The following UNC13C variants were observed in gnomAD, a reference collection of about 807,000 sequenced individuals.
The protein encoded by UNC13C is protein unc-13 homolog C.
A neutral mutation model predicts 245.4 loss-of-function variants in UNC13C; 174 were observed. The ratio of observed to expected loss-of-function variants is 0.71; its 90% CI spans 0.63 to 0.80. The LOEUF is 0.80. Among genes scored for constraint, UNC13C ranks in the 30% least tolerant of loss-of-function variants. UNC13C has a pLI of 0.00. For missense variants in UNC13C, 2,829 were observed against 2,602.9 expected (o/e 1.09, Z -1.89); for synonymous variants, 992 against 895.1 (o/e 1.11, Z -1.93).
intron 30 of UNC13C, among the ~76,000 whole-genome samples, chr15:54,600,114 T>C (rs1431867980): frequency 1.3e-5 from 2 of 152,084 alleles, no homozygotes; most frequent in Non-Finnish European, 2.9e-5. Flanking sequence ...CCATTCCTAC[T>C]CTCCAGAGTA....
At chr15:54,604,751 A>G (rs917381047) in intron 30 of UNC13C, among the ~76,000 whole-genome samples, 1 of 152,132 alleles carries the variant, frequency 6.6e-6, no homozygotes, top group Non-Finnish European at 1.5e-5. Context: ...AGTGTTCTGG[A>G]GGACTCTGAG....
At chr15:54,161,365 T>G (rs28561554) in intron 4 of UNC13C, among the ~76,000 whole-genome samples, 43,986 of 151,988 alleles carry the variant, frequency 0.29, 6,590 homozygotes, top group African/African-American at 0.36. Context: ...ATAAAGCCAT[T>G]TCTTTCTGCC....
chr15:54,529,552 G>T (rs925781170), intron 25 of UNC13C, among the ~76,000 whole-genome samples: 1 of 152,106 alleles, frequency 6.6e-6, no homozygotes, highest in African/African-American at 2.4e-5. Flanking sequence ...AACAGTGATT[G>T]GCACATAATA....
chr15:54,019,508 T>TAAATAAATAA (rs1895803494), intron 2 of UNC13C, among the ~76,000 whole-genome samples: 1 of 152,232 alleles, frequency 6.6e-6, no homozygotes, highest in Non-Finnish European at 1.5e-5. Context: ...AATACTGTAC[T>TAAATAAATAA]ATAACAGCTG....
At chr15:54,289,894 G>T (rs1596153412) in intron 10 of UNC13C, among the ~76,000 whole-genome samples, 1 of 152,122 alleles carries the variant, frequency 6.6e-6, no homozygotes, top group African/African-American at 2.4e-5. Flanking sequence ...TAAATACCTG[G>T]AACATAGCTA....
At chr15:54,160,539 T>C (rs1001658804) in intron 4 of UNC13C, among the ~76,000 whole-genome samples, 1 of 151,956 alleles carries the variant, frequency 6.6e-6, no homozygotes, top group Admixed American at 6.6e-5. Flanking sequence ...TCACTTAAAC[T>C]CTTTTTTGAT....
At chr15:54,559,119 C>A (rs1897200011) in intron 29 of UNC13C, among the ~76,000 whole-genome samples, 1 of 151,996 alleles carries the variant, frequency 6.6e-6, no homozygotes, top group African/African-American at 2.4e-5. Flanking sequence ...TGAGGTTTCT[C>A]CAAAAACAAT....
At chr15:54,470,510 G>T (rs1052810068) in intron 19 of UNC13C, among the ~76,000 whole-genome samples, 1 of 151,340 alleles carries the variant, frequency 6.6e-6, no homozygotes, top group African/African-American at 2.4e-5. Flanking sequence ...ATTTCTTTCA[G>T]GTTGTCTAAT....
the UNC13C span, among the ~76,000 whole-genome samples, chr15:53,870,549 CT>C: frequency 1.3e-5 from 2 of 151,964 alleles, no homozygotes; most frequent in Admixed American, 6.6e-5. Context: ...CTTCCTACCA[CT>C]GCTTGTACCT....
chr15:53,893,427 GT>G, the UNC13C span, among the ~76,000 whole-genome samples: 2 of 152,212 alleles, frequency 1.3e-5, no homozygotes, highest in African/African-American at 4.8e-5. Flanking sequence ...AGGCAGGAAT[GT>G]TTAAATCTGC....
chr15:53,872,374 G>A, the UNC13C span, among the ~76,000 whole-genome samples: 135 of 151,988 alleles, frequency 8.9e-4, no homozygotes, highest in African/African-American at 3.0e-3. Flanking sequence ...CAGGTAAGGG[G>A]TTGGAGAAAT....
intron 20 of UNC13C, among the ~76,000 whole-genome samples, chr15:54,496,608 T>C (rs114732986): frequency 0.14 from 20,540 of 151,960 alleles, 1,422 homozygotes; most frequent in Non-Finnish European, 0.16. Context: ...TATATATATA[T>C]ATGTACACCA....
intron 8 of UNC13C, among the ~76,000 whole-genome samples, chr15:54,254,913 T>A (rs889808924): frequency 6.6e-6 from 1 of 152,134 alleles, no homozygotes; most frequent in African/African-American, 2.4e-5. Flanking sequence ...TTCCCCGCCA[T>A]GATAACTCCT....
chr15:53,857,974 A>G, the UNC13C span, among the ~76,000 whole-genome samples: 9 of 152,202 alleles, frequency 5.9e-5, no homozygotes, highest in African/African-American at 2.2e-4. Flanking sequence ...TAGTTCATAT[A>G]TTAAGATTTA....
chr15:54,600,575 G>C (rs1005112854), intron 30 of UNC13C, among the ~76,000 whole-genome samples: 1 of 152,078 alleles, frequency 6.6e-6, no homozygotes, highest in Non-Finnish European at 1.5e-5. Flanking sequence ...ATAATTGTCA[G>C]ATGTGAATAC....
At chr15:54,166,898 C>A (rs918481386) in intron 4 of UNC13C, among the ~76,000 whole-genome samples, 4 of 152,124 alleles carry the variant, frequency 2.6e-5, no homozygotes, top group African/African-American at 9.7e-5. Flanking sequence ...GATAAAATCT[C>A]AGTTTTCTCC....
chr15:54,383,212 A>C (rs766279789), intron 17 of UNC13C, among the ~76,000 whole-genome samples: 1 of 152,150 alleles, frequency 6.6e-6, no homozygotes, highest in Admixed American at 6.6e-5. Context: ...TTTTCCTAAT[A>C]CTCAAACCAG....
At chr15:53,918,956 A>G in the UNC13C span, among the ~76,000 whole-genome samples, 1 of 152,230 alleles carries the variant, frequency 6.6e-6, no homozygotes, top group Non-Finnish European at 1.5e-5. Flanking sequence ...GCAGAAGTGA[A>G]TGTGGGATTT....
the UNC13C span, among the ~76,000 whole-genome samples, chr15:53,842,067 T>G: frequency 1.3e-5 from 2 of 152,300 alleles, no homozygotes; most frequent in South Asian, 4.1e-4. Flanking sequence ...AACTCTGACT[T>G]GTATTTGCAT....
Sources: allele counts gnomAD v4.1 joint callset (sites outside exome capture counted in the v4.1 genomes callset), GRCh38; gene constraint gnomAD v4.1.1; transcripts MANE v1.5; gene names NCBI Gene and HGNC (gene_info 2026-07-23, HGNC 2026-07-21).